IRAK2: variants seen among roughly 807,000 people sequenced by gnomAD.
The protein encoded by IRAK2 is interleukin 1 receptor associated kinase 2.
Under a neutral mutation model 72.0 loss-of-function variants are expected in IRAK2, and 57 were observed. That is an observed-to-expected ratio of 0.79 (90% CI 0.64 to 0.99). The LOEUF (loss-of-function observed/expected upper bound fraction) is 0.99, where lower values mean the gene tolerates loss of function less well. Ranked by LOEUF, IRAK2 falls within the 50% of genes least tolerant of loss-of-function variation. The probability of loss-of-function intolerance (pLI) is 0.00; values close to 1 mark genes in which losing one functional copy is unlikely to be tolerated. For missense variants in IRAK2, 790 were observed against 794.4 expected (o/e 0.99, Z 0.07); for synonymous variants, 293 against 312.7 (o/e 0.94, Z 0.67).
intron 10 of IRAK2, among the ~76,000 whole-genome samples, chr3:10,233,101 A>G (rs1438890892): frequency 6.6e-6 from 1 of 152,002 alleles, no homozygotes; most frequent in Non-Finnish European, 1.5e-5. Flanking sequence ...CCAGGCTGGA[A>G]TGCAGTGGCG....
At chr3:10,207,441 A>C (rs533327731) in intron 3 of IRAK2, among the ~76,000 whole-genome samples, 1 of 152,114 alleles carries the variant, frequency 6.6e-6, no homozygotes, top group Non-Finnish European at 1.5e-5. Flanking sequence ...GTATTTCCAG[A>C]TGATGATGTT....
intron 1 of IRAK2, among the ~76,000 whole-genome samples, chr3:10,174,867 A>G (rs1031034912): frequency 4.0e-5 from 6 of 151,872 alleles, no homozygotes; most frequent in Admixed American, 3.3e-4. Flanking sequence ...TCACTTCAGT[A>G]AACCAGTGGA....
intron 10 of IRAK2, among the ~76,000 whole-genome samples, chr3:10,233,164 C>T (rs925846300): frequency 6.6e-5 from 10 of 152,090 alleles, no homozygotes; most frequent in African/African-American, 2.4e-4. Flanking sequence ...ATTCTCCTAC[C>T]TCAGCCTCCC....
intron 3 of IRAK2, among the ~76,000 whole-genome samples, chr3:10,207,154 A>G (rs1183998400): frequency 6.6e-6 from 1 of 151,222 alleles, no homozygotes; most frequent in African/African-American, 2.4e-5. Flanking sequence ...GCAGTGGCAC[A>G]ATCTTGGCTC....
intron 3 of IRAK2, among the ~76,000 whole-genome samples, chr3:10,207,992 CAAAAAAAAAA>C (rs35298616): frequency 1.1e-5 from 1 of 95,006 alleles, no homozygotes; most frequent in Non-Finnish European, 2.0e-5. Flanking sequence ...ACTCTGTTTC[CAAAAAAAAAA>C]AAAAAAAAAG....
At chr3:10,203,343 G>A in intron 3 of IRAK2, among the ~76,000 whole-genome samples, 1 of 152,198 alleles carries the variant, frequency 6.6e-6, no homozygotes, top group East Asian at 1.9e-4. Flanking sequence ...GCCCAGGCAG[G>A]TCAAGATGAT....
At chr3:10,227,278 T>C (rs1697794162) in intron 10 of IRAK2, among the ~76,000 whole-genome samples, 1 of 151,880 alleles carries the variant, frequency 6.6e-6, no homozygotes, top group South Asian at 2.1e-4. Flanking sequence ...CGAAACCCTG[T>C]CTCTACTAAA....
intron 2 of IRAK2, among the ~76,000 whole-genome samples, chr3:10,179,429 A>T (rs1696927554): frequency 2.8e-5 from 4 of 144,986 alleles, no homozygotes; most frequent in African/African-American, 7.7e-5. Flanking sequence ...CCACTACCAC[A>T]TCCAGCTAAT....
chr3:10,200,584 C>T, intron 3 of IRAK2, 69 bp downstream of exon 3: 1 of 1,403,112 alleles, frequency 7.1e-7, no homozygotes, highest in Non-Finnish European at 9.6e-7. Flanking sequence ...TCTATAAGGA[C>T]ATTCAGCTTA....
At chr3:10,211,698 A>G (rs1697524380) in intron 4 of IRAK2, among the ~76,000 whole-genome samples, 1 of 152,196 alleles carries the variant, frequency 6.6e-6, no homozygotes, top group African/African-American at 2.4e-5. Flanking sequence ...GGCCGGAAAT[A>G]CACTAACTTT....
In IRAK2 at chr3:10,229,425, T is replaced by C. The variant is rs201625493; in HGVS notation, c.1272+2992T>C. On this transcript the variant is annotated intron_variant, in intron 10 of 12. Transcript: ENST00000256458. ...CCATGGCGCCCAGCCTGTATGAGTT[T>C]TGACAAATGTATACAGTCATGTAAC... Among the ~76,000 whole-genome samples, 31 of 152,312 alleles carry C rather than the reference T, an allele frequency of 2.0e-4. 1 individual carries two copies. The East Asian group carries it at 4.6e-3, about 23-fold the overall frequency.
intron 1 of IRAK2, among the ~76,000 whole-genome samples, chr3:10,166,534 G>T (rs954845703): frequency 6.6e-6 from 1 of 152,152 alleles, no homozygotes; most frequent in South Asian, 2.1e-4. Context: ...TATGTAAACT[G>T]GAGATGATAA....
chr3:10,172,915 G>A (rs868038846), intron 1 of IRAK2, among the ~76,000 whole-genome samples: 15 of 149,016 alleles, frequency 1.0e-4, no homozygotes, highest in Admixed American at 2.7e-4. Context: ...TCCTGACCTC[G>A]TTATCCGCTT....
intron 11 of IRAK2, among the ~76,000 whole-genome samples, chr3:10,237,606 G>A (rs1697985278): frequency 6.6e-6 from 1 of 152,032 alleles, no homozygotes; most frequent in African/African-American, 2.4e-5. Flanking sequence ...AGGAGATCGA[G>A]ACCATCTTGG....
chr3:10,172,816 C>CAA (rs1353483325), intron 1 of IRAK2, among the ~76,000 whole-genome samples: 2 of 117,622 alleles, frequency 1.7e-5, no homozygotes, highest in Non-Finnish European at 3.3e-5. Flanking sequence ...CCAGCCTGGG[C>CAA]AACAGAGCGA....
intron 2 of IRAK2, among the ~76,000 whole-genome samples, chr3:10,192,137 C>T (rs3732957): frequency 0.22 from 33,254 of 151,832 alleles, 4,730 homozygotes; most frequent in East Asian, 0.72. Context: ...AGAGAGGGCG[C>T]GGAAAGCTGT....
Position 10,193,076 on chromosome 3 carries a change from T to G in IRAK2, c.278-7293T>G, listed in dbSNP as rs1697202368. On this transcript the variant is annotated intron_variant, in intron 2 of 12. Transcript: ENST00000256458. ...CCTGACTGCAGGACACACTCCAGAC[T>G]GCGGGAGTTCATTTGCCTTCCGTGG... Among the ~76,000 whole-genome samples the G allele has an allele frequency of 2.0e-5, 3 of 152,176 alleles. No homozygotes were observed. In the South Asian group the frequency reaches 6.2e-4, roughly 31 times the overall value.
intron 2 of IRAK2, among the ~76,000 whole-genome samples, chr3:10,188,009 G>A (rs1164454631): frequency 1.3e-5 from 2 of 152,200 alleles, no homozygotes; most frequent in Non-Finnish European, 2.9e-5. Context: ...CTTAGGAGGG[G>A]ACTGTGGGCC....
chr3:10,179,039 C>T (rs1316887295), intron 2 of IRAK2, among the ~76,000 whole-genome samples: 1 of 152,144 alleles, frequency 6.6e-6, no homozygotes, highest in Non-Finnish European at 1.5e-5. Context: ...CTGCCTTGGC[C>T]TCCCAAAGTG....
Sources: gnomAD v4.1 joint callset for allele counts (sites outside exome capture counted in the v4.1 genomes callset) on GRCh38, gnomAD v4.1.1 for gene constraint, MANE v1.5 for transcripts, NCBI Gene and HGNC (gene_info 2026-07-23, HGNC 2026-07-21) for gene names.